The following VRK2 variants were observed in gnomAD, a reference collection of about 807,000 sequenced individuals.
The protein encoded by VRK2 is VRK serine/threonine kinase 2.
A neutral mutation model predicts 57.6 loss-of-function variants in VRK2; 60 were observed. That is an observed-to-expected ratio of 1.04 (90% CI 0.85 to 1.29). The LOEUF is 1.29. Among genes scored for constraint, VRK2 ranks in the 50% most tolerant of loss-of-function variants. The pLI is 0.00. For synonymous variants in VRK2, 231 were observed against 199.2 expected (o/e 1.16, Z -1.35); for missense variants, 705 against 588.1 (o/e 1.20, Z -2.06).
At chr2:57,947,084 T>C (rs1386046381) in intron 1 of VRK2, among the ~76,000 whole-genome samples, 1 of 152,166 alleles carries the variant, frequency 6.6e-6, no homozygotes, top group Non-Finnish European at 1.5e-5. Flanking sequence ...GTAAATTCTT[T>C]GAAAATTTAA....
chr2:58,109,016 A>G (rs1192460450), intron 7 of VRK2, among the ~76,000 whole-genome samples: 1 of 152,220 alleles, frequency 6.6e-6, no homozygotes, highest in African/African-American at 2.4e-5. Context: ...CTCTTACAGC[A>G]AGTATTTGAT....
intron 1 of VRK2, among the ~76,000 whole-genome samples, chr2:57,943,253 C>G (rs540523325): frequency 6.6e-6 from 1 of 152,280 alleles, no homozygotes; most frequent in South Asian, 2.1e-4. Context: ...CACCACTAGG[C>G]ACATGTCTAA....
chr2:58,134,115 CTT>C (rs1434973462), intron 9 of VRK2, among the ~76,000 whole-genome samples: 1 of 152,132 alleles, frequency 6.6e-6, no homozygotes, highest in African/African-American at 2.4e-5. Context: ...CTCCTGCCCT[CTT>C]GTTTCCCATC....
At chr2:58,115,188 T>A (rs535906003) in intron 7 of VRK2, among the ~76,000 whole-genome samples, 66 of 152,146 alleles carry the variant, frequency 4.3e-4, no homozygotes, top group Non-Finnish European at 7.4e-4. Context: ...ACCAAGTGTG[T>A]TCAGGGTGAG....
chr2:58,080,812 C>T (rs1174953240), intron 2 of VRK2, among the ~76,000 whole-genome samples: 1 of 151,708 alleles, frequency 6.6e-6, no homozygotes, highest in Non-Finnish European at 1.5e-5. Flanking sequence ...AGCTGGTGAA[C>T]TTAGTGTATT....
At chr2:58,034,060 T>C (rs1473664562) in intron 3 of VRK2, among the ~76,000 whole-genome samples, 1 of 152,066 alleles carries the variant, frequency 6.6e-6, no homozygotes, top group Non-Finnish European at 1.5e-5. Flanking sequence ...CTTACAAATG[T>C]TAGTAACTAC....
At chr2:58,023,940 A>G (rs1237916496) in intron 1 of VRK2, among the ~76,000 whole-genome samples, 2 of 152,042 alleles carry the variant, frequency 1.3e-5, no homozygotes, top group South Asian at 2.1e-4. Flanking sequence ...TAATCACACA[A>G]TTGAGTATTA....
chr2:58,144,033 A>G (rs1452318442), intron 11 of VRK2, among the ~76,000 whole-genome samples: 1 of 151,620 alleles, frequency 6.6e-6, no homozygotes, highest in Non-Finnish European at 1.5e-5. Context: ...ATATACATAT[A>G]TACACACACA....
intron 1 of VRK2, among the ~76,000 whole-genome samples, chr2:58,007,818 A>T (rs990802233): frequency 3.9e-5 from 6 of 152,268 alleles, no homozygotes; most frequent in African/African-American, 1.4e-4. Context: ...ATTTTAAAAA[A>T]TCACTAAAGA....
intron 2 of VRK2, among the ~76,000 whole-genome samples, chr2:58,026,303 T>G (rs760452473): frequency 1.9e-4 from 29 of 151,814 alleles, no homozygotes; most frequent in Non-Finnish European, 2.4e-4. Flanking sequence ...CACACACACA[T>G]GTGCACATGT....
At chr2:57,963,364 A>G (rs2104002857) in intron 1 of VRK2, among the ~76,000 whole-genome samples, 1 of 152,344 alleles carries the variant, frequency 6.6e-6, no homozygotes, top group Non-Finnish European at 1.5e-5. Flanking sequence ...TTTAGGCAAT[A>G]GTACTTTTCC....
intron 2 of VRK2, among the ~76,000 whole-genome samples, chr2:58,065,536 G>A (rs1362885308): frequency 6.6e-6 from 1 of 152,102 alleles, no homozygotes; most frequent in Non-Finnish European, 1.5e-5. Flanking sequence ...GGACATTTGG[G>A]TAGTGTGATT....
At chr2:57,921,190 T>G (rs1209450377) in intron 1 of VRK2, among the ~76,000 whole-genome samples, 2 of 152,038 alleles carry the variant, frequency 1.3e-5, no homozygotes, top group Admixed American at 6.6e-5. Context: ...GGATGCCACT[T>G]GCGAGGCCCC....
chr2:58,055,173 C>G (rs1676331919), intron 2 of VRK2, among the ~76,000 whole-genome samples: 1 of 152,136 alleles, frequency 6.6e-6, no homozygotes, highest in Non-Finnish European at 1.5e-5. Context: ...GCTGCCCCTC[C>G]AAACCCATCT....
chr2:58,064,333 A>G (rs1473339082), intron 2 of VRK2, among the ~76,000 whole-genome samples: 2 of 152,106 alleles, frequency 1.3e-5, no homozygotes, highest in African/African-American at 4.8e-5. Flanking sequence ...CTTCATTGCT[A>G]TCTTTAGAAA....
At chr2:57,961,501 A>T (rs181497671) in intron 1 of VRK2, among the ~76,000 whole-genome samples, 17 of 152,246 alleles carry the variant, frequency 1.1e-4, no homozygotes, top group African/African-American at 4.1e-4. Context: ...GGAAATGTAG[A>T]TTTGGGTTTT....
At chr2:58,009,162 T>C (rs571389001) in intron 1 of VRK2, among the ~76,000 whole-genome samples, 1 of 152,308 alleles carries the variant, frequency 6.6e-6, no homozygotes, top group South Asian at 2.1e-4. Flanking sequence ...GGGAATATCA[T>C]TAGGGAAGTG....
At chr2:58,082,814 A>G (rs979610081) in intron 2 of VRK2, among the ~76,000 whole-genome samples, 6 of 151,888 alleles carry the variant, frequency 4.0e-5, no homozygotes, top group Admixed American at 6.6e-5. Context: ...ATTAGCTAGA[A>G]CTGAAATAAT....
intron 1 of VRK2, among the ~76,000 whole-genome samples, chr2:57,944,190 G>A (rs113919121): frequency 1.3e-5 from 2 of 152,314 alleles, no homozygotes; most frequent in African/African-American, 4.8e-5. Context: ...TCCATCTTTT[G>A]GAGGCGTGTA....
Sources: allele counts gnomAD v4.1 joint callset (sites outside exome capture counted in the v4.1 genomes callset), GRCh38; gene constraint gnomAD v4.1.1; transcripts MANE v1.5; gene names NCBI Gene and HGNC (gene_info 2026-07-23, HGNC 2026-07-21).